Variants in TLE3 observed in about 807,000 individuals in gnomAD.
The protein encoded by TLE3 is transducin-like enhancer protein 3.
A neutral mutation model predicts 93.0 loss-of-function variants in TLE3; 14 were observed. That is an observed-to-expected ratio of 0.15 (90% CI 0.10 to 0.24). The LOEUF (loss-of-function observed/expected upper bound fraction) is 0.24. Among genes scored for constraint, TLE3 ranks in the 10% least tolerant of loss-of-function variants. The pLI is 1.00. For synonymous variants in TLE3, 451 were observed against 425.0 expected, an observed-to-expected ratio of 1.06 and a Z score of -0.75; for missense variants, 693 against 1,046.6, an observed-to-expected ratio of 0.66 and a Z score of 4.66.
intron 6 of TLE3, among the ~76,000 whole-genome samples, chr15:70,067,154 C>A (rs139533212): frequency 1.1e-3 from 162 of 152,296 alleles, no homozygotes; most frequent in Non-Finnish European, 1.4e-3. Flanking sequence ...TCAAGGACTC[C>A]GCTGCCCTGG....
intron 7 of TLE3, 35 bp downstream of exon 7, chr15:70,065,978 TG>T: frequency 2.9e-6 from 2 of 686,814 alleles, no homozygotes; most frequent in Non-Finnish European, 5.0e-6. Flanking sequence ...TGCCCACCCC[TG>T]CCCCGCCCCA....
intron 17 of TLE3, chr15:70,052,991 AGCAG>A: frequency 7.8e-6 from 4 of 511,684 alleles, no homozygotes; most frequent in South Asian, 6.0e-5. Flanking sequence ...GCTCAATAGC[AGCAG>A]AGAATGAATC....
rs1449623956 is a variant in TLE3, at chr15:70,097,630, C to A, written c.-832G>T. ...CGTCCCCACCGAGGAGCGCTCAGCGCCACCGCCGCTGCCGCGTCGGAGCGC... is the reference window on the plus strand; with the variant it reads ...CGTCCCCACCGAGGAGCGCTCAGCGACACCGCCGCTGCCGCGTCGGAGCGC... On this transcript the variant is annotated 5_prime_UTR_variant, in exon 1 of 20. Transcript: ENST00000451782. 3.0e-5 allele frequency: 12 copies of A among 398,240 alleles called. No homozygotes were observed. Among genetic ancestry groups the A allele is most frequent in the Non-Finnish European group, 4.4e-5 (10 of 225,802 alleles). The allele number at this position is 398,240 out of a possible 1,614,324, so 24.7% of individuals were successfully genotyped here. A position where few individuals can be genotyped will look rare whatever the true frequency, so the allele number is the denominator to read the frequency against.
Position 70,066,152 on chromosome 15 carries a change from G to T in TLE3, c.439C>A (p.His147Asn). 1 of 1,550,418 alleles carries T rather than the reference G, an allele frequency of 6.4e-7. No individual in the cohort carries two copies. The change falls in exon 7 of 20, where the codon CAC becomes AAC. Residue 147 changes from histidine to asparagine, a missense_variant. By Grantham distance (68) the His-to-Asn change is moderately conservative (BLOSUM62 1). Around this residue, in one of 4 missense-constraint regions of TLE3, gnomAD observed 104 missense variants for 173.8 expected, o/e 0.60. Coordinates refer to ENST00000451782, the MANE Select transcript of TLE3 (RefSeq NM_001105192.3). Reference sequence around the variant, plus strand: ...CCTGGAGGCTGGAGACCTGACGGGTGGGGTGGCAACTGGACCGGGGGGCCG... The same window carrying T: ...CCTGGAGGCTGGAGACCTGACGGGTTGGGTGGCAACTGGACCGGGGGGCCG... ...THGPPVQLPP[H>N]PSGLQPPGIP...
chr15:70,081,746 A>G (rs766285728), intron 4 of TLE3, among the ~76,000 whole-genome samples: 1 of 152,242 alleles, frequency 6.6e-6, no homozygotes, highest in Admixed American at 6.5e-5. Context: ...TGCAAAGAGC[A>G]TGGTACTGTG....
rs774554797 is a variant in TLE3 at position 70,058,799 on chromosome 15, C to T, written c.782G>A (p.Arg261Gln). The stretch of plus-strand genomic sequence containing the variant: ...AGGAGGGGAGTGTGCCGGGCTGACC[C>T]GGGGCGTTGCGGGGTCCTGAAAACA... ...DVSNEDPATP[R>Q]VSPAHSPPEN... Residue 261 changes from arginine (R) to glutamine (Q), a missense_variant, in exon 11 of 20, where the codon CGG becomes CAG. By Grantham distance (43) the Arg-to-Gln change is conservative. Transcript: ENST00000451782. The surrounding 1 kb of genome is among the most constrained non-coding windows in gnomAD (Gnocchi z 4.1). 2.5e-6 allele frequency: 4 copies of T among 1,583,428 alleles called. No homozygotes were observed. The highest frequency in any genetic ancestry group is 2.3e-5 in the South Asian group (2 of 86,188).
rs539311700 is a variant in TLE3, at chr15:70,054,608, C to A, written c.1656G>T (p.Thr552=). ...GCGAGGCCAGGTCCCAGATGGTGAG[C>A]GTGCTGGCCTCGCCGCCCACGATGA... ...RTLIVGGEAS[T]LTIWDLASPT... is the part of the protein sequence containing the mutation. The change falls in exon 16 of 20, where the codon ACG becomes ACT. Residue 552 remains threonine (T), a synonymous_variant. Transcript: ENST00000451782. 1 of 1,612,760 alleles carries A rather than the reference C, an allele frequency of 6.2e-7. No individual in the cohort carries two copies. Among genetic ancestry groups the A allele is most frequent in the Non-Finnish European group, 8.5e-7 (1 of 1,179,256 alleles).
At chr15:70,082,486 G>A (rs886789284) in intron 4 of TLE3, among the ~76,000 whole-genome samples, 5 of 152,176 alleles carry the variant, frequency 3.3e-5, no homozygotes, top group African/African-American at 1.2e-4. Context: ...AGCCCCTCCC[G>A]CTACTGGAGG....
rs1380531192 is a variant in TLE3 at position 70,058,885 on chromosome 15, G to A, written c.766-70C>T. On this transcript the variant is annotated intron_variant, in intron 10 of 19. Transcript: ENST00000451782. The surrounding 1 kb of genome is among the most constrained non-coding windows in gnomAD (Gnocchi z 4.1). ...GCCTCGAGGCTTCCCTGCTCTGGGA[G>A]TGGGAAGAGAGAGGGCATGGGCGAT... 2.0e-6 allele frequency: 3 copies of A among 1,468,392 alleles called. No homozygotes were observed. The highest frequency in any genetic ancestry group is 2.6e-5 in the Admixed American group (1 of 38,756). 91.0% of individuals were successfully genotyped at this position (1,468,392 alleles called of 1,614,324 possible). A position where few individuals can be genotyped will look rare whatever the true frequency, so the allele number is the denominator to read the frequency against.
At chr15:70,088,969 G>C (rs1199381030) in intron 4 of TLE3, among the ~76,000 whole-genome samples, 1 of 152,110 alleles carries the variant, frequency 6.6e-6, no homozygotes, top group African/African-American at 2.4e-5. Flanking sequence ...ACCGGGTGGG[G>C]AGCCGCGACT....
At chr15:70,068,062 C>T (rs2056925936) in intron 6 of TLE3, among the ~76,000 whole-genome samples, 2 of 152,200 alleles carry the variant, frequency 1.3e-5, no homozygotes, top group African/African-American at 4.8e-5. Flanking sequence ...AGGATGGGCG[C>T]TTACTCTGAG....
At chr15:70,095,437 A>AGAC in intron 3 of TLE3, 141 bp downstream of exon 3, 2 of 1,526,994 alleles carry the variant, frequency 1.3e-6, no homozygotes, top group Non-Finnish European at 1.8e-6. Context: ...GGGGAGGGCA[A>AGAC]GACCAGATTA....
chr15:70,064,495 G>A, intron 7 of TLE3, 25 bp from the exon 8 acceptor site: 1 of 1,613,872 alleles, frequency 6.2e-7, no homozygotes, highest in Non-Finnish European at 8.5e-7. Flanking sequence ...GGCCAGGACA[G>A]GAGGAAGGTC....
intron 4 of TLE3, among the ~76,000 whole-genome samples, chr15:70,088,417 T>A (rs1273178534): frequency 6.6e-6 from 1 of 152,226 alleles, no homozygotes; most frequent in Non-Finnish European, 1.5e-5. Flanking sequence ...ATAAAGAATT[T>A]TTTTTAAATA....
At position 70,076,884 on chromosome 15, in the gene TLE3, AATTTTTGT is replaced by A. The variant is rs1244102836; in HGVS notation, c.235-734_235-727del. ...TATAGGTGCACTGCCACTCCCAGCT[AATTTTTGT>A]ATTTTTGTAGAGACTGGGTTTCGCC... On this transcript the variant is annotated intron_variant, in intron 4 of 19. Transcript: ENST00000451782. Among the ~76,000 whole-genome samples, 23 of 151,910 alleles carry A rather than the reference AATTTTTGT, an allele frequency of 1.5e-4. No individual in the cohort carries two copies. The South Asian group carries it at 4.6e-3, about 30-fold the overall frequency.
chr15:70,064,229 C>T (rs1567007947), intron 8 of TLE3, among the ~76,000 whole-genome samples: 1 of 152,252 alleles, frequency 6.6e-6, no homozygotes, highest in Non-Finnish European at 1.5e-5. Flanking sequence ...ACCCCTCACC[C>T]TGCCACTGGC....
intron 4 of TLE3, among the ~76,000 whole-genome samples, chr15:70,089,456 G>C (rs1057329052): frequency 6.6e-6 from 1 of 152,156 alleles, no homozygotes; most frequent in Non-Finnish European, 1.5e-5. Flanking sequence ...GAAGAAACTG[G>C]ATGCTGGGCC....
chr15:70,079,407 A>G, intron 4 of TLE3: 1 of 451,496 alleles, frequency 2.2e-6, no homozygotes. Flanking sequence ...CGTTGGGAGA[A>G]CCTCCTGGTT....
At chr15:70,086,156 T>C (rs1211314552) in intron 4 of TLE3, among the ~76,000 whole-genome samples, 3 of 152,160 alleles carry the variant, frequency 2.0e-5, no homozygotes, top group Non-Finnish European at 4.4e-5. Flanking sequence ...TCCTACTTCT[T>C]CCTGGACAGA....
Sources: allele counts gnomAD v4.1 joint callset (sites outside exome capture counted in the v4.1 genomes callset), GRCh38; gene constraint gnomAD v4.1.1; regional missense constraint gnomAD v4.1.1; non-coding constraint Gnocchi (gnomAD v3.1); transcripts MANE v1.5; gene names NCBI Gene and HGNC (gene_info 2026-07-23, HGNC 2026-07-21).